MRPS27: variants seen among roughly 807,000 people sequenced by gnomAD.
The protein encoded by MRPS27 is small ribosomal subunit protein mS27.
Under a neutral mutation model 48.9 loss-of-function variants are expected in MRPS27, and 43 were observed. The ratio of observed to expected loss-of-function variants is 0.88; its 90% confidence interval spans 0.69 to 1.13. The LOEUF (loss-of-function observed/expected upper bound fraction) is 1.13, where lower values mean the gene tolerates loss of function less well. MRPS27 is among the 50% of genes most tolerant of loss of function. The pLI is 0.00. For missense variants in MRPS27, 467 were observed against 476.3 expected, an observed-to-expected ratio of 0.98 and a Z score of 0.18; for synonymous variants, 188 against 171.9, an observed-to-expected ratio of 1.09 and a Z score of -0.73.
intron 4 of MRPS27, among the ~76,000 whole-genome samples, chr5:72,278,458 A>G (rs1749442130): frequency 6.6e-6 from 1 of 152,020 alleles, no homozygotes. Flanking sequence ...AAAAAAAAAA[A>G]AAAAAATTTA....
chr5:72,222,842 A>T (rs1294753422), intron 10 of MRPS27, among the ~76,000 whole-genome samples: 2 of 152,232 alleles, frequency 1.3e-5, no homozygotes, highest in African/African-American at 4.8e-5. Flanking sequence ...TGCTAAAAAT[A>T]CAACAGGCTC....
At chr5:72,232,760 A>G (rs966639944) in intron 6 of MRPS27, among the ~76,000 whole-genome samples, 2 of 152,206 alleles carry the variant, frequency 1.3e-5, no homozygotes, top group Non-Finnish European at 2.9e-5. Context: ...TCTATTTTAC[A>G]TACCAGAACG....
At chr5:72,288,736 T>A (rs1016562785) in intron 4 of MRPS27, 4 of 152,240 alleles carry the variant, frequency 2.6e-5, no homozygotes, top group Non-Finnish European at 4.4e-5. Flanking sequence ...TTCTCTCCCC[T>A]TGGGTTCTTA....
At chr5:72,277,632 A>G (rs765704737) in intron 4 of MRPS27, among the ~76,000 whole-genome samples, 2 of 152,104 alleles carry the variant, frequency 1.3e-5, no homozygotes, top group African/African-American at 2.4e-5. Flanking sequence ...AAAAAGATAC[A>G]TGCACGTTTA....
chr5:72,251,486 T>C (rs1238641847), intron 4 of MRPS27, among the ~76,000 whole-genome samples: 2 of 152,220 alleles, frequency 1.3e-5, no homozygotes, highest in East Asian at 1.9e-4. Context: ...TATCATGTTT[T>C]GCTCTTGGAC....
At chr5:72,304,540 T>C (rs1750209815) in intron 2 of MRPS27, among the ~76,000 whole-genome samples, 1 of 152,120 alleles carries the variant, frequency 6.6e-6, no homozygotes, top group Admixed American at 6.5e-5. Flanking sequence ...TCAGACACAA[T>C]AGATTACAGG....
At chr5:72,295,357 T>C (rs181866697) in intron 4 of MRPS27, 174 bp downstream of exon 4, 232 of 542,636 alleles carry the variant, frequency 4.3e-4, no homozygotes, top group African/African-American at 4.1e-3. Context: ...AAACTCACAG[T>C]ATGGAATAAA....
intron 2 of MRPS27, among the ~76,000 whole-genome samples, chr5:72,301,724 T>A (rs1268624188): frequency 6.6e-6 from 1 of 152,270 alleles, no homozygotes; most frequent in African/African-American, 2.4e-5. Context: ...CAGCATCTAA[T>A]GAATAACATT....
intron 4 of MRPS27, among the ~76,000 whole-genome samples, chr5:72,253,598 G>A (rs963616320): frequency 6.6e-6 from 1 of 151,926 alleles, no homozygotes; most frequent in Non-Finnish European, 1.5e-5. Flanking sequence ...CACCACAAAG[G>A]CCAAAAATAA....
chr5:72,294,314 A>C (rs1384177718), intron 4 of MRPS27, among the ~76,000 whole-genome samples: 2 of 152,004 alleles, frequency 1.3e-5, no homozygotes, highest in Non-Finnish European at 2.9e-5. Context: ...AAACCCCCCA[A>C]AACAACAACA....
Position 72,220,789 on chromosome 5 carries a change from C to T in MRPS27, c.*120G>A. On this transcript the variant is annotated 3_prime_UTR_variant, in exon 11 of 11. Transcript: ENST00000261413. ...GTGCCTTGCCATGTAGGGCACATAGCCTGCTTTAAGAAAAGAAGATGGGTA... is the reference window on the plus strand; with the variant it reads ...GTGCCTTGCCATGTAGGGCACATAGTCTGCTTTAAGAAAAGAAGATGGGTA... 4 of 1,418,296 alleles carry T rather than the reference C, an allele frequency of 2.8e-6. No homozygotes were observed. The highest frequency in any genetic ancestry group is 1.4e-5 in the South Asian group (1 of 73,300). The allele number at this position is 1,418,296 out of a possible 1,614,324, so 87.9% of individuals were successfully genotyped here.
intron 4 of MRPS27, among the ~76,000 whole-genome samples, chr5:72,243,035 C>A (rs532046926): frequency 6.6e-6 from 1 of 152,338 alleles, no homozygotes; most frequent in East Asian, 1.9e-4. Flanking sequence ...GCAGCTTTCC[C>A]TCCGCCCCAG....
intron 4 of MRPS27, among the ~76,000 whole-genome samples, chr5:72,269,580 G>C (rs1454778478): frequency 6.6e-6 from 1 of 152,196 alleles, no homozygotes; most frequent in African/African-American, 2.4e-5. Flanking sequence ...AGAAAATTCA[G>C]AGACAGACTC....
rs535225715 is a variant in MRPS27 at position 72,281,020 on chromosome 5, G to A, written c.281+14511C>T. Among the ~76,000 whole-genome samples the A allele has an allele frequency of 1.1e-3, 172 of 152,336 alleles. 1 individual carries two copies. The highest frequency in any genetic ancestry group is 4.1e-3 in the African/African-American group (172 of 41,584). On this transcript the variant is annotated intron_variant, in intron 4 of 10. Transcript: ENST00000261413. ...TGTGTTGAACTACTAGTGTTCCTAA[G>A]CATCTACTTCTCCACATTCCTGAGC...
intron 4 of MRPS27, 26 bp downstream of exon 4, chr5:72,295,505 A>G (rs753245323): frequency 1.3e-6 from 2 of 1,570,888 alleles, no homozygotes; most frequent in East Asian, 2.2e-5. Context: ...CACAGAGTAC[A>G]TAGCCAAATC....
intron 4 of MRPS27, among the ~76,000 whole-genome samples, chr5:72,244,483 A>C (rs767537154): frequency 2.6e-4 from 39 of 152,150 alleles, no homozygotes; most frequent in Non-Finnish European, 4.9e-4. Context: ...ACAGAAAGCA[A>C]TCAAAAGTAG....
At position 72,304,451 on chromosome 5, in the gene MRPS27, T is replaced by C. The variant is rs558191303; in HGVS notation, c.152-6749A>G. On this transcript the variant is annotated intron_variant, in intron 2 of 10. Transcript: ENST00000261413. ...AAAATATAAAAGCTAGCTATATAAA[T>C]CATATAAACACAGAAGAGTTGAAAA... Among the ~76,000 whole-genome samples, 5 of 152,170 alleles carry C rather than the reference T, an allele frequency of 3.3e-5. No individual in the cohort carries two copies. The East Asian group carries it at 5.8e-4, about 18-fold the overall frequency.
chr5:72,271,201 G>A (rs765559792), intron 4 of MRPS27, among the ~76,000 whole-genome samples: 4 of 152,088 alleles, frequency 2.6e-5, no homozygotes, highest in East Asian at 3.9e-4. Flanking sequence ...TGTATTTCTC[G>A]TCACAGATAA....
intron 4 of MRPS27, among the ~76,000 whole-genome samples, chr5:72,293,112 A>T (rs1207709252): frequency 1.3e-5 from 2 of 152,314 alleles, no homozygotes; most frequent in East Asian, 3.9e-4. Context: ...TATAACTTGT[A>T]ATTTTTAATT....
Sources: gnomAD v4.1 joint callset for allele counts (sites outside exome capture counted in the v4.1 genomes callset) on GRCh38, gnomAD v4.1.1 for gene constraint, MANE v1.5 for transcripts, NCBI Gene and HGNC (gene_info 2026-07-23, HGNC 2026-07-21) for gene names.